TNKS: variants seen among roughly 807,000 people sequenced by gnomAD.
TNKS encodes tankyrase.
A neutral mutation model predicts 135.8 loss-of-function variants in TNKS; 72 were observed. The ratio of observed to expected loss-of-function variants is 0.53; its 90% CI spans 0.44 to 0.64. TNKS has a LOEUF of 0.64. TNKS is among the 30% of genes least tolerant of loss of function. TNKS has a pLI of 0.00. For synonymous variants in TNKS, 849 were observed against 649.3 expected, an observed-to-expected ratio of 1.31 and a Z score of -4.68; for missense variants, 1,769 against 1,674.0, an observed-to-expected ratio of 1.06 and a Z score of -0.99.
chr8:9,636,474 AT>A (rs1414484408), intron 3 of TNKS, among the ~76,000 whole-genome samples: 1 of 151,992 alleles, frequency 6.6e-6, no homozygotes, highest in Non-Finnish European at 1.5e-5. Context: ...TTCTAACTGC[AT>A]TGATGGTCTT....
At chr8:9,654,793 T>A (rs1056001482) in intron 3 of TNKS, among the ~76,000 whole-genome samples, 1 of 152,118 alleles carries the variant, frequency 6.6e-6, no homozygotes, top group African/African-American at 2.4e-5. Flanking sequence ...AATAGGAACA[T>A]CTCCAGTCTA....
At chr8:9,556,792 T>TG (rs967970137) in intron 1 of TNKS, 180 bp downstream of exon 1, 31 of 376,148 alleles carry the variant, frequency 8.2e-5, no homozygotes, top group Admixed American at 2.7e-4. Context: ...GGGGCGTGGT[T>TG]GGGGGGGATA....
chr8:9,761,084 G>A (rs943352863), intron 20 of TNKS, among the ~76,000 whole-genome samples: 1 of 152,028 alleles, frequency 6.6e-6, no homozygotes, highest in Admixed American at 6.6e-5. Context: ...TCCTTTTCCT[G>A]CGTTGTTTAC....
At chr8:9,558,487 C>T (rs1339638951) in intron 1 of TNKS, 1 of 152,072 alleles carries the variant, frequency 6.6e-6, no homozygotes, top group Non-Finnish European at 1.5e-5. Context: ...CCAAGTTTGC[C>T]TATTTTAACA....
At chr8:9,693,658 C>T (rs1803382423) in intron 5 of TNKS, among the ~76,000 whole-genome samples, 1 of 151,880 alleles carries the variant, frequency 6.6e-6, no homozygotes, top group Admixed American at 6.6e-5. Flanking sequence ...GACCTGGACA[C>T]AGAAAGATGC....
chr8:9,703,887 G>A (rs1253681338), intron 5 of TNKS, among the ~76,000 whole-genome samples: 1 of 152,134 alleles, frequency 6.6e-6, no homozygotes, highest in African/African-American at 2.4e-5. Flanking sequence ...AGTTATTTCT[G>A]ATTCTTAAAA....
At chr8:9,586,721 A>ATGTGTGTGTGTG (rs1798391031) in intron 2 of TNKS, among the ~76,000 whole-genome samples, 1 of 122,388 alleles carries the variant, frequency 8.2e-6, no homozygotes, top group African/African-American at 3.4e-5. Context: ...TATATCTAAA[A>ATGTGTGTGTGTG]CGTGTGTGTG....
chr8:9,698,809 G>A (rs10794712), intron 5 of TNKS, among the ~76,000 whole-genome samples: 1 of 152,002 alleles, frequency 6.6e-6, no homozygotes, highest in African/African-American at 2.4e-5. Context: ...ATCTATATGA[G>A]AAAAGGCAAA....
At chr8:9,722,517 C>T (rs535440988) in intron 12 of TNKS, 2 of 128,808 alleles carry the variant, frequency 1.6e-5, no homozygotes, top group Non-Finnish European at 3.2e-5. Flanking sequence ...TCCAGCTGAA[C>T]AAATGAAATT....
chr8:9,770,334 T>C (rs1365406456), intron 26 of TNKS, 72 bp downstream of exon 26: 1 of 1,453,616 alleles, frequency 6.9e-7, no homozygotes, highest in Non-Finnish European at 9.3e-7. Flanking sequence ...CGTGTAAGAC[T>C]TGAGACACTT....
chr8:9,661,881 A>T (rs1242234585), intron 3 of TNKS, among the ~76,000 whole-genome samples: 1 of 152,198 alleles, frequency 6.6e-6, no homozygotes, highest in African/African-American at 2.4e-5. Context: ...ACTCAAACAA[A>T]TGTACAAGAA....
intron 17 of TNKS, among the ~76,000 whole-genome samples, chr8:9,747,043 C>G (rs1050959909): frequency 1.3e-5 from 2 of 151,786 alleles, no homozygotes; most frequent in Non-Finnish European, 1.5e-5. Flanking sequence ...CCACCATGCC[C>G]AGCTAATTTT....
At chr8:9,730,713 G>A (rs188746736) in intron 13 of TNKS, among the ~76,000 whole-genome samples, 177 bp from the exon 14 acceptor site, 4 of 152,136 alleles carry the variant, frequency 2.6e-5, no homozygotes, top group Non-Finnish European at 2.9e-5. Flanking sequence ...AATATTTGTC[G>A]TCACTGAAAG....
intron 3 of TNKS, among the ~76,000 whole-genome samples, chr8:9,637,450 T>C (rs1212629063): frequency 1.3e-5 from 2 of 152,190 alleles, no homozygotes; most frequent in Non-Finnish European, 2.9e-5. Flanking sequence ...AAATACTCTT[T>C]TTTCTCTATT....
intron 5 of TNKS, among the ~76,000 whole-genome samples, chr8:9,698,397 A>T (rs10903317): frequency 7.3e-6 from 1 of 136,074 alleles, no homozygotes; most frequent in African/African-American, 2.7e-5. Flanking sequence ...AAAAAGCTTA[A>T]GTATATAAGC....
In TNKS at chr8:9,735,091, G is replaced by A. The variant is rs372753739; in HGVS notation, c.2533+7G>A. On this transcript the variant is annotated splice_region_variant and intron_variant, in intron 16 of 26. Coordinates refer to ENST00000310430, the MANE Select transcript of TNKS (RefSeq NM_003747.3). ...ACCCCTCTGCACCTGGCAGGTAAGC[G>A]CCCCCAGTGCCTCCAAGCCTCCTTT... The A allele has an allele frequency of 1.6e-5, 26 of 1,610,172 alleles. No homozygotes were observed. Among genetic ancestry groups the A allele is most frequent in the East Asian group, 8.9e-5 (4 of 44,860 alleles).
At chr8:9,769,842 G>C (rs1236973242) in intron 25 of TNKS, among the ~76,000 whole-genome samples, 1 of 151,716 alleles carries the variant, frequency 6.6e-6, no homozygotes, top group African/African-American at 2.4e-5. Context: ...GGATGGTCTT[G>C]ATCTCCCTAG....
intron 2 of TNKS, among the ~76,000 whole-genome samples, chr8:9,601,469 C>G (rs1187720074): frequency 1.3e-5 from 2 of 152,242 alleles, no homozygotes; most frequent in South Asian, 2.1e-4. Flanking sequence ...AAGTCCAGAA[C>G]CAGATGCTGA....
At chr8:9,764,092 C>G (rs575071676) in intron 22 of TNKS, among the ~76,000 whole-genome samples, 2 of 152,200 alleles carry the variant, frequency 1.3e-5, no homozygotes, top group South Asian at 4.2e-4. Flanking sequence ...TGTAGTGACT[C>G]TTCACAAGTG....
Sources: allele counts gnomAD v4.1 joint callset (sites outside exome capture counted in the v4.1 genomes callset), GRCh38; gene constraint gnomAD v4.1.1; transcripts MANE v1.5; gene names NCBI Gene and HGNC (gene_info 2026-07-23, HGNC 2026-07-21).